The following MAPKAP1 variants were observed in gnomAD, a reference collection of about 807,000 sequenced individuals.
MAPKAP1 encodes MAPK associated protein 1.
MAPKAP1 carries 20 observed loss-of-function variants against 65.7 expected under a neutral mutation model. The observed-to-expected ratio is 0.30, with a 90% CI of 0.21 to 0.44. MAPKAP1 has a LOEUF of 0.44. MAPKAP1 is among the 20% of genes least tolerant of loss of function. The pLI is 1.00. For missense variants in MAPKAP1, 423 were observed against 648.0 expected (o/e 0.65, Z 3.77); for synonymous variants, 222 against 244.3 (o/e 0.91, Z 0.85).
At chr9:125,462,143 G>A in intron 10 of MAPKAP1, among the ~76,000 whole-genome samples, 1 of 152,210 alleles carries the variant, frequency 6.6e-6, no homozygotes, top group Non-Finnish European at 1.5e-5. Flanking sequence ...TGTGTTCTCT[G>A]CTAGAACTAC....
chr9:125,615,202 T>C (rs1395500073), intron 4 of MAPKAP1, among the ~76,000 whole-genome samples: 1 of 151,164 alleles, frequency 6.6e-6, no homozygotes, highest in African/African-American at 2.4e-5. Context: ...CTAACAACAA[T>C]GACAAACTAT....
At chr9:125,700,967 C>G (rs1835578416) in intron 1 of MAPKAP1, among the ~76,000 whole-genome samples, 1 of 152,172 alleles carries the variant, frequency 6.6e-6, no homozygotes. Context: ...CCTGGCCCAT[C>G]AAGGGCCTTT....
chr9:125,535,723 T>C (rs1253883723), intron 7 of MAPKAP1, among the ~76,000 whole-genome samples: 2 of 152,198 alleles, frequency 1.3e-5, no homozygotes, highest in Non-Finnish European at 2.9e-5. Flanking sequence ...AAAATCAGGA[T>C]GCAGTTTACA....
chr9:125,518,446 G>A (rs1194830338), intron 7 of MAPKAP1, among the ~76,000 whole-genome samples: 3 of 152,186 alleles, frequency 2.0e-5, no homozygotes, highest in Non-Finnish European at 2.9e-5. Flanking sequence ...GGAGGTGCAA[G>A]TGGGAAGATG....
chr9:125,518,445 A>C (rs1423372805), intron 7 of MAPKAP1, among the ~76,000 whole-genome samples: 5 of 152,138 alleles, frequency 3.3e-5, no homozygotes, highest in Admixed American at 2.6e-4. Context: ...GGGAGGTGCA[A>C]GTGGGAAGAT....
At chr9:125,518,841 C>G (rs1829538637) in intron 7 of MAPKAP1, among the ~76,000 whole-genome samples, 1 of 152,172 alleles carries the variant, frequency 6.6e-6, no homozygotes, top group East Asian at 1.9e-4. Flanking sequence ...AAACACACAG[C>G]ACAATCTGGA....
intron 4 of MAPKAP1, among the ~76,000 whole-genome samples, chr9:125,605,381 C>T (rs1462908048): frequency 6.6e-6 from 1 of 152,216 alleles, no homozygotes; most frequent in African/African-American, 2.4e-5. Flanking sequence ...TAATACATCA[C>T]TGTGTCACTT....
At chr9:125,466,262 C>T (rs1455295234) in intron 10 of MAPKAP1, among the ~76,000 whole-genome samples, 2 of 152,076 alleles carry the variant, frequency 1.3e-5, no homozygotes, top group African/African-American at 2.4e-5. Context: ...TTATGCCCAA[C>T]CTTCCCCCAC....
intron 8 of MAPKAP1, among the ~76,000 whole-genome samples, chr9:125,502,030 G>A (rs770554403): frequency 1.1e-4 from 17 of 149,098 alleles, no homozygotes; most frequent in African/African-American, 2.5e-4. Context: ...TCTTTTATTC[G>A]TTTCAGGTTT....
intron 4 of MAPKAP1, among the ~76,000 whole-genome samples, chr9:125,625,299 T>C (rs1049174278): frequency 6.9e-6 from 1 of 145,906 alleles, no homozygotes; most frequent in African/African-American, 2.6e-5. Flanking sequence ...AGAATTTACA[T>C]TCCAAAATGT....
At chr9:125,702,816 C>T (rs899377027) in intron 1 of MAPKAP1, among the ~76,000 whole-genome samples, 2 of 151,484 alleles carry the variant, frequency 1.3e-5, no homozygotes, top group African/African-American at 2.4e-5. Context: ...CATGCCACTG[C>T]ACTCCAGCCT....
intron 9 of MAPKAP1, among the ~76,000 whole-genome samples, chr9:125,481,817 G>A (rs1854327014): frequency 6.6e-6 from 1 of 152,154 alleles, no homozygotes. Context: ...GGATGTTTGA[G>A]TGGCATTCTT....
chr9:125,530,152 G>T (rs1025979605), intron 7 of MAPKAP1, among the ~76,000 whole-genome samples: 2 of 152,056 alleles, frequency 1.3e-5, no homozygotes, highest in Admixed American at 6.5e-5. Context: ...CTAAAGCAAG[G>T]GTTTTTTCAT....
In MAPKAP1 at chr9:125,698,288, AATATATATATATATATATATATATAT is replaced by A. The variant is rs57303829; in HGVS notation, c.-70+8657_-70+8682del. Among the ~76,000 whole-genome samples the A allele has an allele frequency of 5.5e-4, 27 of 49,048 alleles. 1 individual carries two copies. The highest frequency in any genetic ancestry group is 1.9e-3 in the South Asian group (3 of 1,570). The allele number at this position is 49,048 out of a possible 152,430, so 32.2% of individuals were successfully genotyped here. ...ATATATATAATACATAATATATATAAATATATATATATATATATATATATATATATATATATATATATATATATAAA... is the reference window on the plus strand; with the variant it reads ...ATATATATAATACATAATATATATAAATATATATATATATATATATATAAA... On this transcript the variant is annotated intron_variant, in intron 1 of 11. Coordinates refer to ENST00000265960, the MANE Select transcript of MAPKAP1 (RefSeq NM_001006617.3).
At chr9:125,488,649 A>G (rs1261758600) in intron 8 of MAPKAP1, among the ~76,000 whole-genome samples, 1 of 152,162 alleles carries the variant, frequency 6.6e-6, no homozygotes, top group Non-Finnish European at 1.5e-5. Flanking sequence ...CCCAGCCTCC[A>G]GTGTCATTTC....
chr9:125,703,623 T>C (rs914372855), intron 1 of MAPKAP1, among the ~76,000 whole-genome samples: 4 of 152,022 alleles, frequency 2.6e-5, no homozygotes, highest in African/African-American at 7.3e-5. Context: ...AACACAAAAA[T>C]TGGCCAGGCG....
intron 7 of MAPKAP1, among the ~76,000 whole-genome samples, chr9:125,509,780 CT>C (rs756439151): frequency 4.5e-4 from 69 of 152,166 alleles, no homozygotes; most frequent in Non-Finnish European, 8.7e-4. Flanking sequence ...GGCCGGTCTC[CT>C]TTGCACATTT....
At chr9:125,542,774 G>C (rs144551066) in intron 7 of MAPKAP1, among the ~76,000 whole-genome samples, 1 of 152,278 alleles carries the variant, frequency 6.6e-6, no homozygotes, top group African/African-American at 2.4e-5. Flanking sequence ...TATATCAACT[G>C]ATCATCAGCA....
chr9:125,510,040 T>C (rs1398059752), intron 7 of MAPKAP1, among the ~76,000 whole-genome samples: 1 of 152,240 alleles, frequency 6.6e-6, no homozygotes, highest in Admixed American at 6.5e-5. Context: ...CTTTAATACA[T>C]GCTTATTATG....
Sources: gnomAD v4.1 joint callset for allele counts (sites outside exome capture counted in the v4.1 genomes callset) on GRCh38, gnomAD v4.1.1 for gene constraint, MANE v1.5 for transcripts, NCBI Gene and HGNC (gene_info 2026-07-23, HGNC 2026-07-21) for gene names.